Variants in GALNT7 observed in about 807,000 individuals in gnomAD.
The protein encoded by GALNT7 is polypeptide N-acetylgalactosaminyltransferase 7, also known as N-acetylgalactosaminyltransferase 7.
Under a neutral mutation model 82.1 loss-of-function variants are expected in GALNT7, and 60 were observed. The ratio of observed to expected loss-of-function variants is 0.73; its 90% confidence interval spans 0.59 to 0.91. GALNT7 has a LOEUF of 0.91. GALNT7 is among the 40% of genes least tolerant of loss of function. The pLI is 0.00. For missense variants in GALNT7, 660 were observed against 804.2 expected (o/e 0.82, Z 2.17); for synonymous variants, 243 against 275.1 (o/e 0.88, Z 1.15).
At chr4:173,223,263 C>T (rs1733699815) in intron 1 of GALNT7, among the ~76,000 whole-genome samples, 1 of 152,138 alleles carries the variant, frequency 6.6e-6, no homozygotes, top group African/African-American at 2.4e-5. Context: ...ATAAACTTCC[C>T]CTCCCTTTTT....
intron 2 of GALNT7, chr4:173,268,146 T>C (rs904070624): frequency 6.5e-6 from 1 of 154,720 alleles, no homozygotes; most frequent in East Asian, 1.9e-4. Flanking sequence ...TCAAGAGAAG[T>C]GAAGAAAAAT....
Position 173,195,750 on chromosome 4 carries a change from T to A in GALNT7, c.126+26789T>A, listed in dbSNP as rs554035976. ...AAGATGATGACTTCCATGAGACAGG[T>A]AAAGGAATTTACACTTGGTTTACTC... On this transcript the variant is annotated intron_variant, in intron 1 of 11. Coordinates refer to ENST00000265000, the MANE Select transcript of GALNT7 (RefSeq NM_017423.3). 7.9e-5 allele frequency among the ~76,000 whole-genome samples: 12 copies of A among 152,280 alleles called. No individual in the cohort carries two copies. In the South Asian group the frequency reaches 2.5e-3, roughly 32 times the overall value.
intron 2 of GALNT7, among the ~76,000 whole-genome samples, chr4:173,275,666 C>A (rs1256507111): frequency 6.6e-6 from 1 of 152,146 alleles, no homozygotes; most frequent in Non-Finnish European, 1.5e-5. Context: ...CCCTGCTGTT[C>A]TGCTAACAAT....
intron 1 of GALNT7, among the ~76,000 whole-genome samples, chr4:173,210,757 T>C (rs1411321583): frequency 6.6e-6 from 1 of 152,194 alleles, no homozygotes; most frequent in African/African-American, 2.4e-5. Context: ...CGTTTGCTGA[T>C]TTTTGTCCCA....
chr4:173,168,965 A>C lies in GALNT7; in HGVS notation c.126+4A>C. The C allele has an allele frequency of 6.2e-7, 1 of 1,611,722 alleles. No individual in the cohort carries two copies. Among genetic ancestry groups the C allele is most frequent in the Non-Finnish European group, 8.5e-7 (1 of 1,178,786 alleles). ...AAGCCCGCTGAGCAGGATGAGGGTG[A>C]GTGACCCGCCCGGCCCCCTCCGGCG... is the stretch of plus-strand genomic sequence containing the variant. On this transcript the variant is annotated splice_donor_region_variant and intron_variant, in intron 1 of 11. Coordinates refer to ENST00000265000, the MANE Select transcript of GALNT7 (RefSeq NM_017423.3).
chr4:173,254,275 C>G (rs1435037686), intron 2 of GALNT7, among the ~76,000 whole-genome samples: 1 of 152,194 alleles, frequency 6.6e-6, no homozygotes, highest in Non-Finnish European at 1.5e-5. Context: ...TAATTCTCCT[C>G]TTACCTGAGT....
In GALNT7 at chr4:173,183,866, C is replaced by T. The variant is rs1418270263; in HGVS notation, c.126+14905C>T. ...ACGGGGCGGCTGCCGGGCGGAGACG[C>T]TCATCACTTCCCAGACGGGGCGGCT... On this transcript the variant is annotated intron_variant, in intron 1 of 11. Coordinates refer to ENST00000265000, the MANE Select transcript of GALNT7 (RefSeq NM_017423.3). Among the ~76,000 whole-genome samples the T allele has an allele frequency of 2.6e-4, 40 of 150,976 alleles. No homozygotes were observed. In the East Asian group the frequency reaches 7.8e-3, roughly 29 times the overall value.
intron 8 of GALNT7, among the ~76,000 whole-genome samples, chr4:173,306,887 T>C (rs775178055): frequency 1.2e-4 from 19 of 152,236 alleles, no homozygotes; most frequent in Non-Finnish European, 1.8e-4. Flanking sequence ...TTAATGCCTG[T>C]GCATTTTGTG....
chr4:173,168,882 G>A lies in GALNT7; in HGVS notation c.47G>A (p.Gly16Glu). 2 of 1,613,744 alleles carry A rather than the reference G, an allele frequency of 1.2e-6. No homozygotes were observed. Among genetic ancestry groups the A allele is most frequent in the Non-Finnish European group, 1.7e-6 (2 of 1,179,764 alleles). Reference sequence around the variant, plus strand: ...ATCTTACGCAGTTTGCTGGTGGTGGGAAGCTTCCTGGGGCTAGTGGTCCTC... The same window carrying A: ...ATCTTACGCAGTTTGCTGGTGGTGGAAAGCTTCCTGGGGCTAGTGGTCCTC... ...GFILRSLLVVGSFLGLVVLWS... is the reference protein window; with the variant it reads ...GFILRSLLVVESFLGLVVLWS... The change falls in exon 1 of 12, where the codon GGA becomes GAA. Residue 16 changes from glycine to glutamate, a missense_variant. Gly to Glu is a moderately conservative substitution (Grantham distance 98). Coordinates refer to ENST00000265000, the MANE Select transcript of GALNT7 (RefSeq NM_017423.3).
intron 6 of GALNT7, among the ~76,000 whole-genome samples, chr4:173,299,265 A>G (rs1263686766): frequency 6.6e-6 from 1 of 152,232 alleles, no homozygotes; most frequent in African/African-American, 2.4e-5. Flanking sequence ...AATTAATCAT[A>G]GTAGCTTAAT....
At chr4:173,286,029 AC>A (rs1462587553) in intron 2 of GALNT7, among the ~76,000 whole-genome samples, 1 of 152,246 alleles carries the variant, frequency 6.6e-6, no homozygotes, top group Non-Finnish European at 1.5e-5. Flanking sequence ...AACAACAACA[AC>A]AAAAAACCTT....
At position 173,292,185 on chromosome 4, in the gene GALNT7, C is replaced by T. The variant is rs1388598856; in HGVS notation, c.665C>T (p.Thr222Ile). 3 of 1,606,240 alleles carry T rather than the reference C, an allele frequency of 1.9e-6. No individual in the cohort carries two copies. The highest frequency in any genetic ancestry group is 2.6e-6 in the Non-Finnish European group (3 of 1,174,584). The change falls in exon 3 of 12, where the codon ACC (threonine) becomes ATC (isoleucine). Residue 222 changes from threonine (T) to isoleucine (I), a missense_variant. Thr to Ile is a moderately conservative substitution (Grantham distance 89). Coordinates refer to ENST00000265000, the MANE Select transcript of GALNT7 (RefSeq NM_017423.3). The surrounding 1 kb of genome is among the most constrained non-coding windows in gnomAD (Gnocchi z 4.8). The stretch of plus-strand genomic sequence containing the variant: ...GTCTTCCATAATGAAGGATGGTCAA[C>T]CCTCATGAGAACAGTCCACAGTGTA... ...VIVFHNEGWS[T>I]LMRTVHSVIK...
At chr4:173,235,259 C>T (rs955518326) in intron 1 of GALNT7, among the ~76,000 whole-genome samples, 4 of 152,188 alleles carry the variant, frequency 2.6e-5, no homozygotes, top group Non-Finnish European at 5.9e-5. Context: ...AAGCTATTAA[C>T]TCACTTTTTA....
In GALNT7 at chr4:173,292,214, A is replaced by G. The variant is rs1433540742; in HGVS notation, c.694A>G (p.Lys232Glu). 23 of 1,585,548 alleles carry G rather than the reference A, an allele frequency of 1.5e-5. No homozygotes were observed. Among genetic ancestry groups the G allele is most frequent in the Non-Finnish European group, 1.7e-5 (20 of 1,164,734 alleles). Residue 232 changes from lysine to glutamate, a missense_variant, in exon 3 of 12, where the codon AAA becomes GAA. Transcript: ENST00000265000. The surrounding 1 kb of genome is among the most constrained non-coding windows in gnomAD (Gnocchi z 4.8). ...CATGAGAACAGTCCACAGTGTAATT[A>G]AAAGGACTCCAAGGAAATATTTAGC... Reference protein sequence around the residue: ...TLMRTVHSVIKRTPRKYLAEI... With the variant: ...TLMRTVHSVIERTPRKYLAEI...
chr4:173,247,687 A>G (rs1400385852), intron 1 of GALNT7, among the ~76,000 whole-genome samples: 2 of 152,226 alleles, frequency 1.3e-5, no homozygotes, highest in East Asian at 3.8e-4. Context: ...CCTTAAAAAT[A>G]TGCTTTATTA....
chr4:173,216,802 C>T (rs1285352841), intron 1 of GALNT7, among the ~76,000 whole-genome samples: 1 of 135,836 alleles, frequency 7.4e-6, no homozygotes, highest in African/African-American at 2.8e-5. Context: ...GCAATCTCGG[C>T]TCACTGCAAC....
intron 2 of GALNT7, among the ~76,000 whole-genome samples, chr4:173,269,580 G>A (rs1388566850): frequency 6.6e-6 from 1 of 152,132 alleles, no homozygotes; most frequent in Non-Finnish European, 1.5e-5. Context: ...TTATGACCAC[G>A]TAAATGTGAT....
intron 1 of GALNT7, among the ~76,000 whole-genome samples, chr4:173,214,891 G>C (rs1204590073): frequency 6.6e-6 from 1 of 151,792 alleles, no homozygotes; most frequent in Non-Finnish European, 1.5e-5. Context: ...AGCAGAGGCA[G>C]TACCAACACA....
intron 1 of GALNT7, among the ~76,000 whole-genome samples, chr4:173,189,868 G>A (rs567338458): frequency 6.6e-6 from 1 of 152,280 alleles, no homozygotes; most frequent in African/African-American, 2.4e-5. Context: ...CATGAAGGCT[G>A]AACAATAGAT....
Sources: gnomAD v4.1 joint callset for allele counts (sites outside exome capture counted in the v4.1 genomes callset) on GRCh38, gnomAD v4.1.1 for gene constraint, Gnocchi (gnomAD v3.1) non-coding constraint, MANE v1.5 for transcripts, NCBI Gene and HGNC (gene_info 2026-07-23, HGNC 2026-07-21) for gene names.